Variants in SIK3 observed in about 807,000 individuals in gnomAD.
The protein encoded by SIK3 is serine/threonine-protein kinase SIK3.
Under a neutral mutation model 144.2 loss-of-function variants are expected in SIK3, and 28 were observed. The observed-to-expected ratio is 0.19, with a 90% CI of 0.14 to 0.27. SIK3 has a LOEUF of 0.27. Ranked by LOEUF, SIK3 falls within the 10% of genes least tolerant of loss-of-function variation. SIK3 has a pLI of 1.00. For synonymous variants in SIK3, 686 were observed against 676.3 expected (o/e 1.01, Z -0.22); for missense variants, 1,319 against 1,776.0 (o/e 0.74, Z 4.62).
intron 17 of SIK3, 23 bp downstream of exon 17, chr11:116,862,179 G>A (rs764791921): frequency 6.2e-7 from 1 of 1,614,068 alleles, no homozygotes; most frequent in African/African-American, 1.3e-5. Flanking sequence ...ACAAGTTGGA[G>A]AAAGCAAAGA....
At chr11:117,008,922 A>G (rs1423288195) in intron 1 of SIK3, among the ~76,000 whole-genome samples, 1 of 152,156 alleles carries the variant, frequency 6.6e-6, no homozygotes, top group Non-Finnish European at 1.5e-5. Context: ...AAACATAGAT[A>G]ACAGTTGGTG....
chr11:117,055,170 T>G (rs1159762141), intron 1 of SIK3, among the ~76,000 whole-genome samples: 1 of 152,176 alleles, frequency 6.6e-6, no homozygotes, highest in East Asian at 1.9e-4. Flanking sequence ...GTTTAAGATA[T>G]CTGGGGAGGC....
At chr11:117,095,426 A>C (rs917285906) in intron 1 of SIK3, among the ~76,000 whole-genome samples, 4 of 152,134 alleles carry the variant, frequency 2.6e-5, no homozygotes, top group African/African-American at 9.7e-5. Flanking sequence ...ATGGGGGAAA[A>C]AAATAACTCT....
chr11:116,914,499 G>A (rs988621509), intron 4 of SIK3, among the ~76,000 whole-genome samples: 11 of 152,084 alleles, frequency 7.2e-5, no homozygotes, highest in Non-Finnish European at 1.0e-4. Context: ...CACCACGCCC[G>A]GCCTGCCTCC....
chr11:116,876,283 G>A lies in SIK3; in HGVS notation c.1065C>T (p.Asp355=), dbSNP rs762702388. The A allele has an allele frequency of 1.2e-6, 2 of 1,614,208 alleles. No homozygotes were observed. The highest frequency in any genetic ancestry group is 1.1e-5 in the South Asian group (1 of 91,086). Reference sequence around the variant, plus strand: ...GTGTCTGTTCTTTGTCCAGTCCCATGTCCTCCATGGCCAAGAGGACATCCT... The same window carrying A: ...GTGTCTGTTCTTTGTCCAGTCCCATATCCTCCATGGCCAAGAGGACATCCT... ...LNEDVLLAME[D]MGLDKEQTLQ... Residue 355 remains aspartate, a synonymous_variant, in exon 8 of 25, where the codon GAC becomes GAT. Transcript: ENST00000445177.
intron 21 of SIK3, among the ~76,000 whole-genome samples, chr11:116,853,943 C>T (rs1330521926): frequency 6.6e-6 from 1 of 152,206 alleles, no homozygotes; most frequent in African/African-American, 2.4e-5. Flanking sequence ...GGGAAGAAAC[C>T]TTTGGCATGC....
chr11:117,078,084 T>C (rs1261665209), intron 1 of SIK3, among the ~76,000 whole-genome samples: 1 of 152,252 alleles, frequency 6.6e-6, no homozygotes, highest in Non-Finnish European at 1.5e-5. Context: ...AAGGATTTTA[T>C]CACATTAGGC....
chr11:116,864,296 G>A (rs1418102901), intron 15 of SIK3: 1 of 152,936 alleles, frequency 6.5e-6, no homozygotes, highest in African/African-American at 2.4e-5. Context: ...GTCTGGCCTA[G>A]AACTCATAGG....
intron 1 of SIK3, among the ~76,000 whole-genome samples, chr11:117,074,031 A>C (rs1207379574): frequency 2.6e-5 from 4 of 152,112 alleles, no homozygotes; most frequent in Admixed American, 6.5e-5. Flanking sequence ...TATCCTTCCT[A>C]GTAGCCCAGC....
At chr11:117,012,850 T>C (rs1416273580) in intron 1 of SIK3, among the ~76,000 whole-genome samples, 1 of 14,740 alleles carries the variant, frequency 6.8e-5, no homozygotes, top group South Asian at 9.9e-4. Flanking sequence ...CCATTACTGC[T>C]TTTTTTTTTT....
intron 6 of SIK3, among the ~76,000 whole-genome samples, chr11:116,882,084 G>A (rs541877221): frequency 2.0e-5 from 3 of 152,080 alleles, no homozygotes; most frequent in Non-Finnish European, 4.4e-5. Flanking sequence ...CAGATCAGAT[G>A]CCATGTCATC....
chr11:117,023,920 T>G (rs1951902499), intron 1 of SIK3, among the ~76,000 whole-genome samples: 1 of 151,912 alleles, frequency 6.6e-6, no homozygotes, highest in Non-Finnish European at 1.5e-5. Flanking sequence ...CTCAAGTGAT[T>G]CACCTGCGTT....
At chr11:116,904,715 TTC>T (rs750266388) in intron 4 of SIK3, 2 of 152,222 alleles carry the variant, frequency 1.3e-5, no homozygotes, top group East Asian at 1.9e-4. Flanking sequence ...TAAAATGTTA[TTC>T]TTTTTTCTTT....
intron 1 of SIK3, among the ~76,000 whole-genome samples, chr11:117,023,464 A>C (rs1214835880): frequency 6.7e-6 from 1 of 149,666 alleles, no homozygotes; most frequent in Non-Finnish European, 1.5e-5. Context: ...TCAAGCTGGA[A>C]TCACAATCAC....
intron 1 of SIK3, among the ~76,000 whole-genome samples, chr11:117,090,505 T>C (rs936832503): frequency 6.6e-6 from 1 of 152,184 alleles, no homozygotes; most frequent in African/African-American, 2.4e-5. Flanking sequence ...TCACCATCCC[T>C]GGAAAGTGTT....
chr11:117,005,700 A>G (rs999930005), intron 1 of SIK3, among the ~76,000 whole-genome samples: 7 of 152,218 alleles, frequency 4.6e-5, no homozygotes, highest in Admixed American at 1.3e-4. Flanking sequence ...TCTTACTTCT[A>G]TTACTATCTT....
rs1279652536 is a variant in SIK3 at position 116,874,058 on chromosome 11, T to C, written c.1428-2A>G. On this transcript the variant is annotated splice_acceptor_variant, in intron 11 of 24. Coordinates refer to ENST00000445177, the MANE Select transcript of SIK3 (RefSeq NM_001366686.3). LOFTEE classifies it high-confidence loss of function. ...TGCAGATCTTCCATAACTTCCGTGC[T>C]GATACAAAACAGAATGACAGAGAAG... The C allele has an allele frequency of 6.2e-7, 1 of 1,613,060 alleles. No individual in the cohort carries two copies. The highest frequency in any genetic ancestry group is 8.5e-7 in the Non-Finnish European group (1 of 1,179,690).
chr11:117,021,566 G>A (rs950526002), intron 1 of SIK3, among the ~76,000 whole-genome samples: 5 of 152,134 alleles, frequency 3.3e-5, no homozygotes, highest in African/African-American at 1.2e-4. Context: ...TATTATTCTA[G>A]AAAGCTGTTC....
rs566876129 is a variant in SIK3, at chr11:117,088,385, C to T, written c.273+9758G>A. Among the ~76,000 whole-genome samples the T allele has an allele frequency of 2.0e-5, 3 of 152,272 alleles. No individual in the cohort carries two copies. The South Asian group carries it at 6.2e-4, about 32-fold the overall frequency. ...CCAGAAAAGCTGTGAAATCTCCTTA[C>T]TCGGAGATTTGTGAGAAAAAGGTAG... On this transcript the variant is annotated intron_variant, in intron 1 of 24. Transcript: ENST00000445177.
Sources: allele counts gnomAD v4.1 joint callset (sites outside exome capture counted in the v4.1 genomes callset), GRCh38; gene constraint gnomAD v4.1.1; transcripts MANE v1.5; gene names NCBI Gene and HGNC (gene_info 2026-07-23, HGNC 2026-07-21).